INSL6: variants seen among roughly 807,000 people sequenced by gnomAD.
INSL6 encodes insulin-like peptide INSL6.
A neutral mutation model predicts 9.4 loss-of-function variants in INSL6; 16 were observed. The ratio of observed to expected loss-of-function variants is 1.70; its 90% CI spans 1.15 to 2.59. The LOEUF (loss-of-function observed/expected upper bound fraction) is 2.59. INSL6 is among the 30% of genes most tolerant of loss of function. INSL6 has a pLI of 0.00. For synonymous variants in INSL6, 154 were observed against 96.9 expected, an observed-to-expected ratio of 1.59 and a Z score of -3.46; for missense variants, 391 against 257.3, an observed-to-expected ratio of 1.52 and a Z score of -3.56.
chr9:5,114,258 G>A, the INSL6 span: 818 of 543,014 alleles, frequency 1.5e-3, 1 homozygote, highest in Middle Eastern at 3.0e-3. Flanking sequence ...CACCTGTCTG[G>A]TGGTGGACCT....
the INSL6 span, among the ~76,000 whole-genome samples, chr9:5,035,168 C>G: frequency 6.6e-6 from 1 of 152,124 alleles, no homozygotes; most frequent in Non-Finnish European, 1.5e-5. Flanking sequence ...ATACACCCTC[C>G]CAAGACTAAA....
intron 3 of INSL6, chr9:5,127,188 C>G: frequency 4.2e-6 from 1 of 235,592 alleles, no homozygotes; most frequent in Non-Finnish European, 8.4e-6. Context: ...TGTATAATAC[C>G]TTGGCATCTT....
At chr9:5,034,754 T>C in the INSL6 span, among the ~76,000 whole-genome samples, 1 of 151,054 alleles carries the variant, frequency 6.6e-6, no homozygotes, top group Admixed American at 6.6e-5. Context: ...TAGAGGGAAA[T>C]TTATAGCACT....
chr9:5,110,786 G>C, the INSL6 span: 2 of 402,668 alleles, frequency 5.0e-6, no homozygotes, highest in Admixed American at 6.9e-5. Context: ...GTAAGGGCCC[G>C]GGCCACGCGC....
chr9:5,012,743 T>C, the INSL6 span, among the ~76,000 whole-genome samples: 2 of 152,222 alleles, frequency 1.3e-5, no homozygotes, highest in Non-Finnish European at 2.9e-5. Context: ...TTATAAGGTA[T>C]TGAAGCCTAT....
chr9:5,068,082 C>T, the INSL6 span, among the ~76,000 whole-genome samples: 1 of 151,652 alleles, frequency 6.6e-6, no homozygotes, highest in Non-Finnish European at 1.5e-5. Context: ...AGCGCTTGAA[C>T]CCGGGAGGTG....
the INSL6 span, chr9:5,111,911 G>A: frequency 2.8e-6 from 1 of 352,614 alleles, no homozygotes; most frequent in Non-Finnish European, 5.6e-6. Context: ...GGGAAGGCCT[G>A]GCCTCAATCT....
At chr9:5,064,189 C>T in the INSL6 span, among the ~76,000 whole-genome samples, 2 of 152,004 alleles carry the variant, frequency 1.3e-5, no homozygotes, top group African/African-American at 2.4e-5. Context: ...AGCATAGCTA[C>T]ATATCCTAAC....
At chr9:5,062,520 AAAAAAAAAAAAG>A in the INSL6 span, among the ~76,000 whole-genome samples, 18 of 130,556 alleles carry the variant, frequency 1.4e-4, no homozygotes, top group East Asian at 3.0e-3. Flanking sequence ...AAAAAAAAAA[AAAAAAAAAAAAG>A]GTCATATCTG....
At chr9:5,068,554 G>C in the INSL6 span, among the ~76,000 whole-genome samples, 1 of 152,182 alleles carries the variant, frequency 6.6e-6, no homozygotes, top group African/African-American at 2.4e-5. Context: ...TAGGTAGAAA[G>C]ATAGCATGAA....
the INSL6 span, among the ~76,000 whole-genome samples, chr9:5,001,689 A>G: frequency 3.3e-5 from 5 of 151,918 alleles, no homozygotes; most frequent in Non-Finnish European, 5.9e-5. Flanking sequence ...CTGGCCACAT[A>G]AAATGATTTG....
the INSL6 span, chr9:5,077,612 C>T: frequency 4.4e-6 from 6 of 1,367,814 alleles, no homozygotes; most frequent in East Asian, 1.4e-4. Flanking sequence ...TCAAAAGATA[C>T]TATTTTATTT....
chr9:5,044,286 C>A, the INSL6 span: 2 of 673,804 alleles, frequency 3.0e-6, no homozygotes, highest in South Asian at 1.7e-5. Flanking sequence ...ATACTGTTAG[C>A]TGTGTTTTCT....
At chr9:5,055,342 G>C in the INSL6 span, among the ~76,000 whole-genome samples, 1 of 151,962 alleles carries the variant, frequency 6.6e-6, no homozygotes, top group Non-Finnish European at 1.5e-5. Context: ...TAGAGATTTA[G>C]AGGGATCATT....
chr9:5,136,915 G>T (rs199819781), intron 2 of INSL6, among the ~76,000 whole-genome samples: 1 of 152,150 alleles, frequency 6.6e-6, no homozygotes, highest in Non-Finnish European at 1.5e-5. Context: ...TAAGCAACTT[G>T]AGCGAAGTCT....
downstream of INSL6, among the ~76,000 whole-genome samples, chr9:5,160,920 A>G (rs1244374565): frequency 6.6e-6 from 1 of 152,198 alleles, no homozygotes; most frequent in East Asian, 1.9e-4. Context: ...ATAGACCAGT[A>G]ACATGTAATA....
chr9:5,062,040 C>G, the INSL6 span, among the ~76,000 whole-genome samples: 1 of 152,146 alleles, frequency 6.6e-6, no homozygotes, highest in Non-Finnish European at 1.5e-5. Context: ...AGTTCACCAT[C>G]TTATATAGGC....
the INSL6 span, among the ~76,000 whole-genome samples, chr9:5,038,733 G>A: frequency 6.6e-6 from 1 of 151,730 alleles, no homozygotes; most frequent in Non-Finnish European, 1.5e-5. Context: ...TAAAGGTTTT[G>A]AATTTTGGAG....
At chr9:5,026,788 T>G in the INSL6 span, among the ~76,000 whole-genome samples, 1 of 152,346 alleles carries the variant, frequency 6.6e-6, no homozygotes, top group East Asian at 1.9e-4. Context: ...TTGTGTGGTT[T>G]AGGTATTCTC....
Sources: allele counts gnomAD v4.1 joint callset (sites outside exome capture counted in the v4.1 genomes callset), GRCh38; gene constraint gnomAD v4.1.1; transcripts MANE v1.5; gene names NCBI Gene and HGNC (gene_info 2026-07-23, HGNC 2026-07-21).